The following SANBR variants were observed in gnomAD, a reference collection of about 807,000 sequenced individuals.
SANBR encodes the protein SANT and BTB domain regulator of CSR.
A neutral mutation model predicts 101.8 loss-of-function variants in SANBR; 77 were observed. The ratio of observed to expected loss-of-function variants is 0.76; its 90% CI spans 0.63 to 0.91. The LOEUF is 0.91. Among genes scored for constraint, SANBR ranks in the 40% least tolerant of loss-of-function variants. SANBR has a pLI of 0.00. For missense variants in SANBR, 875 were observed against 853.0 expected, an observed-to-expected ratio of 1.03 and a Z score of -0.32; for synonymous variants, 279 against 274.7, an observed-to-expected ratio of 1.02 and a Z score of -0.15.
chr2:61,129,651 T>C (rs576719641), intron 20 of SANBR, among the ~76,000 whole-genome samples: 1 of 152,232 alleles, frequency 6.6e-6, no homozygotes, highest in Non-Finnish European at 1.5e-5. Flanking sequence ...AGGAGGTGGA[T>C]GGGAGCAAAG....
At chr2:61,072,803 T>TG (rs201404565) in intron 4 of SANBR, among the ~76,000 whole-genome samples, 2,332 of 147,226 alleles carry the variant, frequency 0.016, 39 homozygotes, top group Non-Finnish European at 0.027. Flanking sequence ...GAGAGACTCT[T>TG]GCTTGTCTCT....
At chr2:61,108,617 G>A (rs1010625450) in intron 15 of SANBR, among the ~76,000 whole-genome samples, 1 of 151,502 alleles carries the variant, frequency 6.6e-6, no homozygotes, top group African/African-American at 2.4e-5. Context: ...ATTGAACAAA[G>A]CAACAAACTT....
At chr2:61,107,182 A>C (rs1341952067) in intron 14 of SANBR, among the ~76,000 whole-genome samples, 1 of 151,688 alleles carries the variant, frequency 6.6e-6, no homozygotes, top group African/African-American at 2.4e-5. Flanking sequence ...AAAAAAAAAG[A>C]AAAACCCAAA....
At chr2:61,111,825 TTTCAC>T in intron 16 of SANBR, among the ~76,000 whole-genome samples, 1 of 152,234 alleles carries the variant, frequency 6.6e-6, no homozygotes, top group Non-Finnish European at 1.5e-5. Flanking sequence ...TCCTGGCTTC[TTTCAC>T]TTAGTATGAG....
At chr2:61,076,667 C>G (rs1681802278) in intron 5 of SANBR, among the ~76,000 whole-genome samples, 1 of 150,744 alleles carries the variant, frequency 6.6e-6, no homozygotes, top group Admixed American at 6.6e-5. Flanking sequence ...TTAGAAATTT[C>G]AAACTGTGTA....
At chr2:61,100,627 A>G (rs1683238266) in intron 12 of SANBR, among the ~76,000 whole-genome samples, 1 of 152,208 alleles carries the variant, frequency 6.6e-6, no homozygotes, top group Non-Finnish European at 1.5e-5. Context: ...TGTCATTTAG[A>G]TGATAACTTA....
chr2:61,111,396 AAAAAG>A (rs1683826069), intron 16 of SANBR, among the ~76,000 whole-genome samples: 1 of 152,242 alleles, frequency 6.6e-6, no homozygotes, highest in Non-Finnish European at 1.5e-5. Flanking sequence ...CCGTCTCAAA[AAAAAG>A]AAAAGAAAAA....
intron 16 of SANBR, among the ~76,000 whole-genome samples, chr2:61,111,081 A>G (rs1244938178): frequency 1.3e-5 from 2 of 152,034 alleles, no homozygotes; most frequent in African/African-American, 4.8e-5. Context: ...ATGTTAAACA[A>G]CCCTCCAATG....
downstream of SANBR, among the ~76,000 whole-genome samples, chr2:61,127,275 C>T (rs933465698): frequency 1.3e-5 from 2 of 152,142 alleles, no homozygotes; most frequent in African/African-American, 4.8e-5. Context: ...CTGTCCCCAG[C>T]CCGGCATCAT....
downstream of SANBR, among the ~76,000 whole-genome samples, chr2:61,129,127 C>T (rs1450273980): frequency 6.6e-6 from 1 of 152,106 alleles, no homozygotes; most frequent in African/African-American, 2.4e-5. Flanking sequence ...AGCAGACCCA[C>T]CTTACAAAAA....
At chr2:61,117,232 C>A in intron 17 of SANBR, 125 bp from the exon 18 acceptor site, 1 of 853,576 alleles carries the variant, frequency 1.2e-6, no homozygotes, top group Non-Finnish European at 2.0e-6. Flanking sequence ...AATGAAATAG[C>A]ACTTGTAATG....
At chr2:61,132,400 G>A (rs1320704585) in intron 20 of SANBR, among the ~76,000 whole-genome samples, 2 of 152,192 alleles carry the variant, frequency 1.3e-5, no homozygotes, top group Admixed American at 6.5e-5. Context: ...CAAATGGTCA[G>A]TAAGCGCATG....
Position 61,111,450 on chromosome 2 carries a change from G to A in SANBR, c.1744+2154G>A, listed in dbSNP as rs1480311564. Among the ~76,000 whole-genome samples, 8 of 152,184 alleles carry A rather than the reference G, an allele frequency of 5.3e-5. No individual in the cohort carries two copies. The South Asian group carries it at 6.2e-4, about 12-fold the overall frequency. On this transcript the variant is annotated intron_variant, in intron 16 of 21. Coordinates refer to ENST00000402291, the MANE Select transcript of SANBR (RefSeq NM_001129993.3). ...CCTTTATCTTCTCTCCAAGTTTTAC[G>A]TAATTTTTCTTAACATCTCGAATCC...
At chr2:61,101,618 A>C (rs541249699) in intron 12 of SANBR, among the ~76,000 whole-genome samples, 46 of 152,230 alleles carry the variant, frequency 3.0e-4, no homozygotes, top group Admixed American at 1.0e-3. Context: ...CTATAGTTCC[A>C]GCTACTCGGG....
At chr2:61,114,146 C>T (rs1006611448) in intron 16 of SANBR, among the ~76,000 whole-genome samples, 2 of 152,138 alleles carry the variant, frequency 1.3e-5, no homozygotes, top group African/African-American at 4.8e-5. Context: ...GACCCAACGA[C>T]AGATGAATAA....
At chr2:61,091,869 T>TA (rs1169149986) in intron 10 of SANBR, among the ~76,000 whole-genome samples, 1 of 152,198 alleles carries the variant, frequency 6.6e-6, no homozygotes, top group Non-Finnish European at 1.5e-5. Flanking sequence ...TTATTTAATC[T>TA]AAAAATCTAT....
chr2:61,066,919 A>G (rs1474403082), intron 1 of SANBR, among the ~76,000 whole-genome samples: 1 of 152,192 alleles, frequency 6.6e-6, no homozygotes, highest in East Asian at 1.9e-4. Context: ...TTTTTGGTAA[A>G]TAACGTATTT....
At chr2:61,106,221 G>A (rs527780900) in intron 13 of SANBR, among the ~76,000 whole-genome samples, 3 of 151,618 alleles carry the variant, frequency 2.0e-5, no homozygotes, top group South Asian at 2.1e-4. Context: ...GTGAAACCCC[G>A]TTTCTACAAA....
chr2:61,077,842 C>T (rs1156772834), intron 6 of SANBR, among the ~76,000 whole-genome samples: 3 of 152,152 alleles, frequency 2.0e-5, no homozygotes, highest in African/African-American at 7.2e-5. Context: ...GAGAGAACAA[C>T]TGACAGAGAA....
Sources: gnomAD v4.1 joint callset for allele counts (sites outside exome capture counted in the v4.1 genomes callset) on GRCh38, gnomAD v4.1.1 for gene constraint, MANE v1.5 for transcripts, NCBI Gene and HGNC (gene_info 2026-07-23, HGNC 2026-07-21) for gene names.